Variants in ACSBG1 observed in about 807,000 individuals in gnomAD.
The protein encoded by ACSBG1 is long-chain-fatty-acid--CoA ligase ACSBG1.
A neutral mutation model predicts 80.2 loss-of-function variants in ACSBG1; 39 were observed. The ratio of observed to expected loss-of-function variants is 0.49; its 90% confidence interval spans 0.38 to 0.64. The LOEUF (loss-of-function observed/expected upper bound fraction) is 0.64. ACSBG1 is among the 30% of genes least tolerant of loss of function. The pLI, the probability that ACSBG1 is intolerant of heterozygous loss-of-function variation, is 0.00. For missense variants in ACSBG1, 828 were observed against 966.4 expected, an observed-to-expected ratio of 0.86 and a Z score of 1.90; for synonymous variants, 392 against 379.5, an observed-to-expected ratio of 1.03 and a Z score of -0.38.
intron 1 of ACSBG1, among the ~76,000 whole-genome samples, chr15:78,233,582 C>T (rs576983556): frequency 3.3e-5 from 5 of 152,356 alleles, no homozygotes; most frequent in East Asian, 3.9e-4. Flanking sequence ...CCACTCTGAC[C>T]GTCAAGGTCC....
chr15:78,187,021 T>C (rs1451994366), intron 5 of ACSBG1, among the ~76,000 whole-genome samples: 2 of 152,104 alleles, frequency 1.3e-5, no homozygotes, highest in Admixed American at 1.3e-4. Context: ...AAATACAAAC[T>C]ACCATCAGAG....
chr15:78,202,856 G>A (rs2075181091), intron 2 of ACSBG1, among the ~76,000 whole-genome samples: 1 of 152,118 alleles, frequency 6.6e-6, no homozygotes, highest in Admixed American at 6.5e-5. Context: ...TGTGGAGATG[G>A]ATATCCATAC....
chr15:78,192,626 A>G (rs977949240), intron 5 of ACSBG1, among the ~76,000 whole-genome samples: 2 of 152,196 alleles, frequency 1.3e-5, no homozygotes, highest in Non-Finnish European at 2.9e-5. Context: ...CCCCAAGGAT[A>G]CTGGCCCCAC....
At chr15:78,223,750 A>T (rs899951425) in intron 1 of ACSBG1, among the ~76,000 whole-genome samples, 2 of 152,246 alleles carry the variant, frequency 1.3e-5, no homozygotes, top group African/African-American at 4.8e-5. Context: ...CTTGGAAGAG[A>T]TTTGAAGATA....
intron 2 of ACSBG1, among the ~76,000 whole-genome samples, chr15:78,204,708 G>C (rs1192879888): frequency 1.3e-5 from 2 of 152,204 alleles, no homozygotes; most frequent in Non-Finnish European, 2.9e-5. Context: ...GAGGCTGCGG[G>C]GACAGGCAGG....
intron 2 of ACSBG1, among the ~76,000 whole-genome samples, chr15:78,200,742 C>A (rs1336852656): frequency 6.6e-6 from 1 of 152,190 alleles, no homozygotes; most frequent in Non-Finnish European, 1.5e-5. Context: ...GGCTGGGTGA[C>A]CTTGGGCAGC....
chr15:78,206,409 G>T (rs925772611), intron 2 of ACSBG1, among the ~76,000 whole-genome samples: 3 of 152,200 alleles, frequency 2.0e-5, no homozygotes, highest in African/African-American at 7.2e-5. Context: ...GGACCTGTCT[G>T]CCCTCAGACT....
chr15:78,182,635 G>A lies in ACSBG1; in HGVS notation c.745-20C>T, dbSNP rs376716222. On this transcript the variant is annotated intron_variant, in intron 6 of 13. Coordinates refer to ENST00000258873, the MANE Select transcript of ACSBG1 (RefSeq NM_015162.5). ...CTCCATCTGTAGCCAGATGCAGGGA[G>A]CAGGCAGGCTAGGTCAGCTGGGTGG... 45 of 1,613,738 alleles carry A rather than the reference G, an allele frequency of 2.8e-5. No homozygotes were observed. Among genetic ancestry groups the A allele is most frequent in the African/African-American group, 8.0e-5 (6 of 74,926 alleles).
chr15:78,173,729 C>A lies in ACSBG1; in HGVS notation c.1953G>T (p.Glu651Asp), dbSNP rs572055354. ...CCTGGTACACGGCCTCATCCTTCTT[C>A]TCTATGATCTCGGACACTGTGGTGG... is the stretch of plus-strand genomic sequence containing the variant. ...SRATTVSEII[E>D]KKDEAVYQAI... The change falls in exon 13 of 14, where the codon GAG becomes GAT. Residue 651 changes from glutamate (E) to aspartate (D), a missense_variant. By Grantham distance (45) the Glu-to-Asp change is conservative. Around this residue, in one of 3 missense-constraint regions of ACSBG1, gnomAD observed 201 missense variants for 227.0 expected, o/e 0.89. Transcript: ENST00000258873. 4 of 1,614,128 alleles carry A rather than the reference C, an allele frequency of 2.5e-6. No homozygotes were observed. In the African/African-American group the frequency reaches 5.3e-5, roughly 22 times the overall value.
chr15:78,182,943 G>T, intron 5 of ACSBG1, 158 bp from the exon 6 acceptor site: 1 of 730,808 alleles, frequency 1.4e-6, no homozygotes, highest in African/African-American at 1.8e-5. Flanking sequence ...TTCACCCATA[G>T]TTTCCCTCCT....
intron 13 of ACSBG1, 42 bp downstream of exon 13, chr15:78,173,551 C>T: frequency 6.2e-7 from 1 of 1,603,396 alleles, no homozygotes; most frequent in Non-Finnish European, 8.5e-7. Flanking sequence ...TGGCCTCTGC[C>T]TTCCCACACA....
rs1249535010 is a variant in ACSBG1, at chr15:78,172,313, A to G, written c.2090-784T>C. 1.3e-5 allele frequency among the ~76,000 whole-genome samples: 2 copies of G among 152,268 alleles called. No homozygotes were observed. The highest frequency in any genetic ancestry group is 4.8e-5 in the African/African-American group (2 of 41,474). On this transcript the variant is annotated intron_variant, in intron 13 of 13. Transcript: ENST00000258873. The surrounding 1 kb of genome is among the most constrained non-coding windows in gnomAD (Gnocchi z 4.1). ...CAGCAATGTATTAGATAGCTAGTACACATCATCTCTGCATTTTTGTGAACG... is the reference window on the plus strand; with the variant it reads ...CAGCAATGTATTAGATAGCTAGTACGCATCATCTCTGCATTTTTGTGAACG...
chr15:78,207,955 G>C, intron 2 of ACSBG1, 47 bp downstream of exon 2: 3 of 589,046 alleles, frequency 5.1e-6, no homozygotes, highest in East Asian at 4.5e-5. Context: ...ACCCAGCACA[G>C]CACAGTTTCC....
intron 1 of ACSBG1, among the ~76,000 whole-genome samples, chr15:78,228,274 T>C (rs1304999359): frequency 1.3e-5 from 2 of 152,160 alleles, no homozygotes; most frequent in East Asian, 1.9e-4. Context: ...CAGTGTGAGA[T>C]AGGGTTTTTT....
intron 1 of ACSBG1, among the ~76,000 whole-genome samples, chr15:78,233,704 G>A (rs1197363448): frequency 2.6e-5 from 4 of 152,174 alleles, no homozygotes; most frequent in South Asian, 4.1e-4. Context: ...GTGCGTGTGC[G>A]CGTGCGCCTG....
chr15:78,176,519 A>T (rs1363013575), intron 11 of ACSBG1, among the ~76,000 whole-genome samples: 1 of 152,220 alleles, frequency 6.6e-6, no homozygotes, highest in Non-Finnish European at 1.5e-5. Flanking sequence ...AGGAGAAAAA[A>T]AATTTTGCGG....
chr15:78,182,401 G>T (rs2074955503), intron 7 of ACSBG1, 65 bp downstream of exon 7: 2 of 1,587,324 alleles, frequency 1.3e-6, no homozygotes, highest in Non-Finnish European at 8.6e-7. Flanking sequence ...CTGGGGCAGA[G>T]CCATGGCCCA....
intron 1 of ACSBG1, chr15:78,209,118 C>T (rs1483382084): frequency 2.2e-6 from 1 of 455,694 alleles, no homozygotes; most frequent in Non-Finnish European, 4.4e-6. Flanking sequence ...CATCCCTGCC[C>T]AGTTCCCAGG....
intron 1 of ACSBG1, chr15:78,209,072 G>T: frequency 4.6e-6 from 2 of 435,096 alleles, no homozygotes; most frequent in South Asian, 3.2e-5. Flanking sequence ...CCTGGCTCCA[G>T]GGAGCCCTGT....
Sources: gnomAD v4.1 joint callset for allele counts (sites outside exome capture counted in the v4.1 genomes callset) on GRCh38, gnomAD v4.1.1 for gene constraint, gnomAD v4.1.1 regional missense constraint, Gnocchi (gnomAD v3.1) non-coding constraint, MANE v1.5 for transcripts, NCBI Gene and HGNC (gene_info 2026-07-23, HGNC 2026-07-21) for gene names.